ABHD16B: variants seen among roughly 807,000 people sequenced by gnomAD.
The protein encoded by ABHD16B is abhydrolase domain containing 16B, also known as abhydrolase domain-containing protein 16B.
ABHD16B carries 14 observed loss-of-function variants against 10.5 expected under a neutral mutation model. That is an observed-to-expected ratio of 1.33 (90% CI 0.88 to 2.08). ABHD16B has a LOEUF of 2.08. Among genes scored for constraint, ABHD16B ranks in the 30% most tolerant of loss-of-function variants. The pLI, the probability that ABHD16B is intolerant of heterozygous loss-of-function variation, is 0.00. For missense variants in ABHD16B, 763 were observed against 717.4 expected, an observed-to-expected ratio of 1.06 and a Z score of -0.73; for synonymous variants, 374 against 337.9, an observed-to-expected ratio of 1.11 and a Z score of -1.17.
Position 63,861,612 on chromosome 20 carries a change from C to T in ABHD16B, c.72C>T (p.Tyr24=), listed in dbSNP as rs1239797823. The change falls in exon 1 of 1, where the codon TAC becomes TAT. Residue 24 remains tyrosine (Y), a synonymous_variant. Coordinates refer to ENST00000369916, the MANE Select transcript of ABHD16B (RefSeq NM_080622.4). This position sits in a 1 kb window ranked among gnomAD's most constrained non-coding sequence, Gnocchi z 5.4. ...FKIYLTASYT[Y]PFRGWPVAFR... is the part of the protein sequence containing the mutation. Reference sequence around the variant, plus strand: ...TCTACCTGACCGCCAGCTACACCTACCCATTCCGCGGCTGGCCCGTGGCCT... The same window carrying T: ...TCTACCTGACCGCCAGCTACACCTATCCATTCCGCGGCTGGCCCGTGGCCT... 6.4e-7 allele frequency: 1 copy of T among 1,555,722 alleles called. No individual in the cohort carries two copies. The highest frequency in any genetic ancestry group is 8.7e-7 in the Non-Finnish European group (1 of 1,152,392).
chr20:63,862,050 G>T lies in ABHD16B; in HGVS notation c.510G>T (p.Gly170=). 1 of 1,610,070 alleles carries T rather than the reference G, an allele frequency of 6.2e-7. No homozygotes were observed. Among genetic ancestry groups the T allele is most frequent in the Non-Finnish European group, 8.5e-7 (1 of 1,179,548 alleles). Residue 170 remains glycine, a synonymous_variant, in exon 1 of 1, where the codon GGG becomes GGT. Transcript: ENST00000369916. This position sits in a 1 kb window ranked among gnomAD's most constrained non-coding sequence, Gnocchi z 7.5. The part of the protein sequence containing the change: ...RRQHPGSHVH[G]PRLVICCEGN... ...AGCACCCGGGCAGCCACGTGCACGG[G>T]CCGCGCCTCGTCATCTGCTGCGAAG...
chr20:63,862,974 A>T lies in ABHD16B; in HGVS notation c.*24A>T. On this transcript the variant is annotated 3_prime_UTR_variant, in exon 1 of 1. Coordinates refer to ENST00000369916, the MANE Select transcript of ABHD16B (RefSeq NM_080622.4). This position sits in a 1 kb window ranked among gnomAD's most constrained non-coding sequence, Gnocchi z 7.5. ...AACCTATATGCCCCAGTGGGGGATCACGCACTTGAACTCCTGGCCTTCTTG... is the reference window on the plus strand; with the variant it reads ...AACCTATATGCCCCAGTGGGGGATCTCGCACTTGAACTCCTGGCCTTCTTG... The T allele has an allele frequency of 8.4e-7, 1 of 1,193,224 alleles. No homozygotes were observed. The highest frequency in any genetic ancestry group is 1.1e-6 in the Non-Finnish European group (1 of 942,840). 73.9% of individuals were successfully genotyped at this position (1,193,224 alleles called of 1,614,324 possible). A position where few individuals can be genotyped will look rare whatever the true frequency, so the allele number is the denominator to read the frequency against.
At position 63,862,049 on chromosome 20, in the gene ABHD16B, G is replaced by A. The variant is rs998579488; in HGVS notation, c.509G>A (p.Gly170Glu). The change falls in exon 1 of 1, where the codon GGG (glycine) becomes GAG (glutamate). Residue 170 changes from glycine (G) to glutamate (E), a missense_variant. Physicochemically the swap from Gly to Glu is moderately conservative, Grantham distance 98. Transcript: ENST00000369916. The surrounding 1 kb of genome is among the most constrained non-coding windows in gnomAD (Gnocchi z 7.5). ...RRQHPGSHVH[G>E]PRLVICCEGN... ...CAGCACCCGGGCAGCCACGTGCACG[G>A]GCCGCGCCTCGTCATCTGCTGCGAA... 35 of 1,609,922 alleles carry A rather than the reference G, an allele frequency of 2.2e-5. No individual in the cohort carries two copies. The highest frequency in any genetic ancestry group is 3.0e-5 in the Non-Finnish European group (35 of 1,179,540).
rs560544546 is a variant in ABHD16B, at chr20:63,861,813, C to A, written c.273C>A (p.Arg91=). 1 of 1,463,708 alleles carries A rather than the reference C, an allele frequency of 6.8e-7. No individual in the cohort carries two copies. The highest frequency in any genetic ancestry group is 2.3e-5 in the Admixed American group (1 of 43,182). 90.7% of individuals were successfully genotyped at this position (1,463,708 alleles called of 1,614,324 possible). A position where few individuals can be genotyped will look rare whatever the true frequency, so the allele number is the denominator to read the frequency against. Residue 91 remains arginine (R), a synonymous_variant, in exon 1 of 1, where the codon CGC becomes CGA. Coordinates refer to ENST00000369916, the MANE Select transcript of ABHD16B (RefSeq NM_080622.4). This position sits in a 1 kb window ranked among gnomAD's most constrained non-coding sequence, Gnocchi z 5.4. ...CGCAGTGCCTCTTGCAGCAGCTCCG[C>A]GAGCTGCCCGGCCAGCTCGCTAGCT... ...SQAQCLLQQL[R]ELPGQLASYA...
In ABHD16B at chr20:63,861,615, A is replaced by T. The variant is rs2052081985; in HGVS notation, c.75A>T (p.Pro25=). 6.4e-7 allele frequency: 1 copy of T among 1,554,230 alleles called. No individual in the cohort carries two copies. Among genetic ancestry groups the T allele is most frequent in the African/African-American group, 1.4e-5 (1 of 73,478 alleles). The change falls in exon 1 of 1, where the codon CCA becomes CCT. Residue 25 remains proline, a synonymous_variant. Coordinates refer to ENST00000369916, the MANE Select transcript of ABHD16B (RefSeq NM_080622.4). The surrounding 1 kb of genome is among the most constrained non-coding windows in gnomAD (Gnocchi z 5.4). ...ACCTGACCGCCAGCTACACCTACCCATTCCGCGGCTGGCCCGTGGCCTTCC... is the reference window on the plus strand; with the variant it reads ...ACCTGACCGCCAGCTACACCTACCCTTTCCGCGGCTGGCCCGTGGCCTTCC... ...KIYLTASYTY[P]FRGWPVAFRW...
rs1458122994 is a variant in ABHD16B, at chr20:63,861,949, C to T, written c.409C>T (p.Arg137Cys). Reference sequence around the variant, plus strand: ...GCAGGGCCAAGAGCGCCTCGTGGAGCGCTACCACGGCCGGCGCGCCAAGCT... The same window carrying T: ...GCAGGGCCAAGAGCGCCTCGTGGAGTGCTACCACGGCCGGCGCGCCAAGCT... ...LQQGQERLVE[R>C]YHGRRAKLVA... The change falls in exon 1 of 1, where the codon CGC becomes TGC. Residue 137 changes from arginine (R) to cysteine (C), a missense_variant. Transcript: ENST00000369916. The surrounding 1 kb of genome is among the most constrained non-coding windows in gnomAD (Gnocchi z 5.4). 1.3e-6 allele frequency: 2 copies of T among 1,597,314 alleles called. No individual in the cohort carries two copies. The highest frequency in any genetic ancestry group is 1.3e-5 in the African/African-American group (1 of 74,650).
At position 63,862,723 on chromosome 20, in the gene ABHD16B, C is replaced by G. The variant is rs1241914963; in HGVS notation, c.1183C>G (p.Leu395Val). ...ARYRVDEDWC[L>V]ALLRSYRARC... ...CTACCGCGTGGACGAGGACTGGTGC[C>G]TGGCGCTGCTGCGCTCCTACCGTGC... Residue 395 changes from leucine to valine, a missense_variant, in exon 1 of 1, where the codon CTG (leucine) becomes GTG (valine). Leu to Val is a conservative substitution (Grantham distance 32). Transcript: ENST00000369916. The surrounding 1 kb of genome is among the most constrained non-coding windows in gnomAD (Gnocchi z 7.5). 1 of 1,530,000 alleles carries G rather than the reference C, an allele frequency of 6.5e-7. No individual in the cohort carries two copies. Among genetic ancestry groups the G allele is most frequent in the Non-Finnish European group, 8.8e-7 (1 of 1,142,070 alleles). 94.8% of individuals were successfully genotyped at this position (1,530,000 alleles called of 1,614,324 possible).
At position 63,862,059 on chromosome 20, in the gene ABHD16B, C is replaced by G; in HGVS notation, c.519C>G (p.Leu173=). ...HPGSHVHGPR[L]VICCEGNAGF... ...GCAGCCACGTGCACGGGCCGCGCCT[C>G]GTCATCTGCTGCGAAGGCAACGCGG... is the stretch of plus-strand genomic sequence containing the variant. Residue 173 remains leucine, a synonymous_variant, in exon 1 of 1, where the codon CTC becomes CTG. Coordinates refer to ENST00000369916, the MANE Select transcript of ABHD16B (RefSeq NM_080622.4). The surrounding 1 kb of genome is among the most constrained non-coding windows in gnomAD (Gnocchi z 7.5). 1 of 1,610,658 alleles carries G rather than the reference C, an allele frequency of 6.2e-7. No individual in the cohort carries two copies. The highest frequency in any genetic ancestry group is 8.5e-7 in the Non-Finnish European group (1 of 1,179,540).
Position 63,862,194 on chromosome 20 carries a change from C to A in ABHD16B, c.654C>A (p.His218Gln). 1 of 1,611,248 alleles carries A rather than the reference C, an allele frequency of 6.2e-7. No homozygotes were observed. Among genetic ancestry groups the A allele is most frequent in the Non-Finnish European group, 8.5e-7 (1 of 1,179,670 alleles). Reference protein sequence around the residue: ...GSSTGVPFPQHDANAMDVVVE... With the variant: ...GSSTGVPFPQQDANAMDVVVE... ...GCACTGGCGTGCCCTTCCCTCAGCA[C>A]GACGCCAACGCCATGGACGTGGTGG... is the stretch of plus-strand genomic sequence containing the variant. Residue 218 changes from histidine to glutamine, a missense_variant, in exon 1 of 1, where the codon CAC becomes CAA. Transcript: ENST00000369916. The surrounding 1 kb of genome is among the most constrained non-coding windows in gnomAD (Gnocchi z 7.5).
chr20:63,861,546 C>A lies in ABHD16B; in HGVS notation c.6C>A (p.Cys2Ter). 2 of 1,551,256 alleles carry A rather than the reference C, an allele frequency of 1.3e-6. No individual in the cohort carries two copies. The highest frequency in any genetic ancestry group is 2.4e-5 in the East Asian group (1 of 41,574). ...GGGCGTTAGGGCCACCGCTCATGTG[C>A]GTCATCTGCTTCGTGAAGGCGCTGG... M[C>*]VICFVKALVR... is the part of the protein sequence containing the mutation. Residue 2 changes from cysteine to a stop codon, truncating the protein, a stop_gained, in exon 1 of 1, where the codon TGC (cysteine) becomes TGA (stop). Transcript: ENST00000369916. LOFTEE classifies it high-confidence loss of function. This position sits in a 1 kb window ranked among gnomAD's most constrained non-coding sequence, Gnocchi z 5.4.
At position 63,862,327 on chromosome 20, in the gene ABHD16B, C is replaced by G. The variant is rs746597839; in HGVS notation, c.787C>G (p.Leu263Val). Residue 263 changes from leucine to valine, a missense_variant, in exon 1 of 1, where the codon CTG (leucine) becomes GTG (valine). Coordinates refer to ENST00000369916, the MANE Select transcript of ABHD16B (RefSeq NM_080622.4). This position sits in a 1 kb window ranked among gnomAD's most constrained non-coding sequence, Gnocchi z 7.5. The stretch of plus-strand genomic sequence containing the variant: ...CTGGGCCACCATGACCTACCCGGAG[C>G]TGGGTGCACTGGTGCTGGACGCCAC... The part of the protein sequence containing the change: ...ATWATMTYPE[L>V]GALVLDATFD... The G allele has an allele frequency of 9.3e-6, 15 of 1,612,202 alleles. No individual in the cohort carries two copies. In the East Asian group the frequency reaches 3.1e-4, roughly 34 times the overall value.
chr20:63,861,733 G>C lies in ABHD16B; in HGVS notation c.193G>C (p.Glu65Gln). 1 of 1,423,128 alleles carries C rather than the reference G, an allele frequency of 7.0e-7. No individual in the cohort carries two copies. The highest frequency in any genetic ancestry group is 9.1e-7 in the Non-Finnish European group (1 of 1,098,544). 88.2% of individuals were successfully genotyped at this position (1,423,128 alleles called of 1,614,324 possible). Residue 65 changes from glutamate to glutamine, a missense_variant, in exon 1 of 1, where the codon GAG becomes CAG. Transcript: ENST00000369916. This position sits in a 1 kb window ranked among gnomAD's most constrained non-coding sequence, Gnocchi z 5.4. ...GGCGGGCGTGTGGTTGCTGCGGGACGAGACGCTGGGCGGGGATGCGCTGGG... is the reference window on the plus strand; with the variant it reads ...GGCGGGCGTGTGGTTGCTGCGGGACCAGACGCTGGGCGGGGATGCGCTGGG... ...AAAGVWLLRD[E>Q]TLGGDALGRP...
In ABHD16B at chr20:63,862,718, G is replaced by A. The variant is rs17852993; in HGVS notation, c.1178G>A (p.Trp393Ter). 40 of 1,530,862 alleles carry A rather than the reference G, an allele frequency of 2.6e-5. No individual in the cohort carries two copies. The Admixed American group carries it at 7.2e-4, about 27-fold the overall frequency. The allele number at this position is 1,530,862 out of a possible 1,614,324, so 94.8% of individuals were successfully genotyped here. A position where few individuals can be genotyped will look rare whatever the true frequency, so the allele number is the denominator to read the frequency against. The part of the protein sequence containing the change: ...FYARYRVDED[W>*]CLALLRSYRA... ...GCACGCTACCGCGTGGACGAGGACTGGTGCCTGGCGCTGCTGCGCTCCTAC... is the reference window on the plus strand; with the variant it reads ...GCACGCTACCGCGTGGACGAGGACTAGTGCCTGGCGCTGCTGCGCTCCTAC... The change falls in exon 1 of 1, where the codon TGG (tryptophan) becomes TAG (stop). Residue 393 changes from tryptophan to a stop codon, truncating the protein, a stop_gained. Transcript: ENST00000369916. LOFTEE classifies it low-confidence loss of function (END_TRUNC). The surrounding 1 kb of genome is among the most constrained non-coding windows in gnomAD (Gnocchi z 7.5).
At position 63,861,690 on chromosome 20, in the gene ABHD16B, G is replaced by A. The variant is rs1418999518; in HGVS notation, c.150G>A (p.Leu50=). The change falls in exon 1 of 1, where the codon CTG becomes CTA. Residue 50 remains leucine (L), a synonymous_variant. Coordinates refer to ENST00000369916, the MANE Select transcript of ABHD16B (RefSeq NM_080622.4). This position sits in a 1 kb window ranked among gnomAD's most constrained non-coding sequence, Gnocchi z 5.4. The stretch of plus-strand genomic sequence containing the variant: ...GCCGGAGCAGCAGCCACCGGGCGCT[G>A]ACCTGCGCGGCAGCCGCGGCGGGCG... ...AVGRSSSHRA[L]TCAAAAAGVW... is the part of the protein sequence containing the mutation. 6.6e-7 allele frequency: 1 copy of A among 1,507,492 alleles called. No homozygotes were observed. Among genetic ancestry groups the A allele is most frequent in the Admixed American group, 2.2e-5 (1 of 45,356 alleles). The allele number at this position is 1,507,492 out of a possible 1,614,324, so 93.4% of individuals were successfully genotyped here.
At position 63,862,764 on chromosome 20, in the gene ABHD16B, G is replaced by C. The variant is rs1361914845; in HGVS notation, c.1224G>C (p.Glu408Asp). ...LRSYRARCEEELEGEEALGPH... is the reference protein window; with the variant it reads ...LRSYRARCEEDLEGEEALGPH... ...CCTACCGTGCACGCTGCGAAGAGGA[G>C]CTGGAGGGCGAGGAGGCCCTGGGGC... is the stretch of plus-strand genomic sequence containing the variant. The change falls in exon 1 of 1, where the codon GAG (glutamate) becomes GAC (aspartate). Residue 408 changes from glutamate (E) to aspartate (D), a missense_variant. Transcript: ENST00000369916. The surrounding 1 kb of genome is among the most constrained non-coding windows in gnomAD (Gnocchi z 7.5). The C allele has an allele frequency of 6.5e-7, 1 of 1,530,224 alleles. No individual in the cohort carries two copies. Among genetic ancestry groups the C allele is most frequent in the African/African-American group, 1.4e-5 (1 of 72,738 alleles). 94.8% of individuals were successfully genotyped at this position (1,530,224 alleles called of 1,614,324 possible). A position where few individuals can be genotyped will look rare whatever the true frequency, so the allele number is the denominator to read the frequency against.
chr20:63,861,532 C>A lies in ABHD16B; in HGVS notation c.-9C>A. 7 of 1,544,034 alleles carry A rather than the reference C, an allele frequency of 4.5e-6. No individual in the cohort carries two copies. The highest frequency in any genetic ancestry group is 6.1e-6 in the Non-Finnish European group (7 of 1,147,744). ...CCGGCCCAGCGGCTGGGCGTTAGGGCCACCGCTCATGTGCGTCATCTGCTT... is the reference window on the plus strand; with the variant it reads ...CCGGCCCAGCGGCTGGGCGTTAGGGACACCGCTCATGTGCGTCATCTGCTT... On this transcript the variant is annotated 5_prime_UTR_variant, in exon 1 of 1. Coordinates refer to ENST00000369916, the MANE Select transcript of ABHD16B (RefSeq NM_080622.4). This position sits in a 1 kb window ranked among gnomAD's most constrained non-coding sequence, Gnocchi z 5.4.
At position 63,862,059 on chromosome 20, in the gene ABHD16B, C is replaced by T. The variant is rs766084482; in HGVS notation, c.519C>T (p.Leu173=). The part of the protein sequence containing the change: ...HPGSHVHGPR[L]VICCEGNAGF... ...GCAGCCACGTGCACGGGCCGCGCCTCGTCATCTGCTGCGAAGGCAACGCGG... is the reference window on the plus strand; with the variant it reads ...GCAGCCACGTGCACGGGCCGCGCCTTGTCATCTGCTGCGAAGGCAACGCGG... The change falls in exon 1 of 1, where the codon CTC becomes CTT. Residue 173 remains leucine, a synonymous_variant. Transcript: ENST00000369916. The surrounding 1 kb of genome is among the most constrained non-coding windows in gnomAD (Gnocchi z 7.5). 4 of 1,610,658 alleles carry T rather than the reference C, an allele frequency of 2.5e-6. No homozygotes were observed. The highest frequency in any genetic ancestry group is 3.4e-6 in the Non-Finnish European group (4 of 1,179,540).
Position 63,861,846 on chromosome 20 carries a change from G to A in ABHD16B, c.306G>A (p.Leu102=), listed in dbSNP as rs1207720102. ...ELPGQLASYA[L]AHSLGRWLVY... Reference sequence around the variant, plus strand: ...CCGGCCAGCTCGCTAGCTACGCGCTGGCCCACTCGCTGGGCCGCTGGCTCG... The same window carrying A: ...CCGGCCAGCTCGCTAGCTACGCGCTAGCCCACTCGCTGGGCCGCTGGCTCG... The change falls in exon 1 of 1, where the codon CTG becomes CTA. Residue 102 remains leucine, a synonymous_variant. Transcript: ENST00000369916. This position sits in a 1 kb window ranked among gnomAD's most constrained non-coding sequence, Gnocchi z 5.4. The A allele has an allele frequency of 6.4e-7, 1 of 1,550,388 alleles. No individual in the cohort carries two copies. The highest frequency in any genetic ancestry group is 2.4e-5 in the East Asian group (1 of 41,916).
Position 63,862,561 on chromosome 20 carries a change from G to A in ABHD16B, c.1021G>A (p.Gly341Ser), listed in dbSNP as rs753111161. The change falls in exon 1 of 1, where the codon GGC becomes AGC. Residue 341 changes from glycine to serine, a missense_variant. Physicochemically the swap from Gly to Ser is moderately conservative, Grantham distance 56. Coordinates refer to ENST00000369916, the MANE Select transcript of ABHD16B (RefSeq NM_080622.4). This position sits in a 1 kb window ranked among gnomAD's most constrained non-coding sequence, Gnocchi z 7.5. ...LRPLSPGDVE[G>S]NRGNELLLRL... ...CCCCCTGTCACCTGGTGACGTGGAG[G>A]GCAACCGGGGCAATGAGCTGCTGCT... The A allele has an allele frequency of 4.5e-5, 70 of 1,569,886 alleles. 1 individual carries two copies. In the South Asian group the frequency reaches 6.1e-4, roughly 14 times the overall value.
Sources: allele counts gnomAD v4.1 joint callset, GRCh38; gene constraint gnomAD v4.1.1; non-coding constraint Gnocchi (gnomAD v3.1); transcripts MANE v1.5; gene names NCBI Gene and HGNC (gene_info 2026-07-23, HGNC 2026-07-21).